The following PAM variants were observed in gnomAD, a reference collection of about 807,000 sequenced individuals.
PAM encodes the protein peptidyl-glycine alpha-amidating monooxygenase.
Under a neutral mutation model 122.1 loss-of-function variants are expected in PAM, and 72 were observed. The observed-to-expected ratio is 0.59, with a 90% CI of 0.49 to 0.72. The LOEUF (loss-of-function observed/expected upper bound fraction) is 0.72, where lower values mean the gene tolerates loss of function less well. Ranked by LOEUF, PAM falls within the 30% of genes least tolerant of loss-of-function variation. The pLI, the probability that PAM is intolerant of heterozygous loss-of-function variation, is 0.00. For synonymous variants in PAM, 389 were observed against 404.4 expected, an observed-to-expected ratio of 0.96 and a Z score of 0.46; for missense variants, 1,106 against 1,183.7, an observed-to-expected ratio of 0.93 and a Z score of 0.96.
Position 102,901,423 on chromosome 5 carries a change from A to AATTGG in PAM, c.268+16_268+20dup, listed in dbSNP as rs778947252. 5.3e-6 allele frequency: 8 copies of AATTGG among 1,501,594 alleles called. No homozygotes were observed. Among genetic ancestry groups the AATTGG allele is most frequent in the Non-Finnish European group, 7.4e-6 (8 of 1,079,384 alleles). The allele number at this position is 1,501,594 out of a possible 1,614,324, so 93.0% of individuals were successfully genotyped here. Reference sequence around the variant, plus strand: ...GAGGAAGCCTTCGTGAGTAAGTATTAATTGGATTGGGGGAGTAGCAGTTTA... The same window carrying AATTGG: ...GAGGAAGCCTTCGTGAGTAAGTATTAATTGGATTGGATTGGGGGAGTAGCAGTTTA... On this transcript the variant is annotated intron_variant, in intron 4 of 25. Coordinates refer to ENST00000438793, the MANE Select transcript of PAM (RefSeq NM_001177306.2).
chr5:103,020,904 C>T (rs1236864725), intron 23 of PAM, among the ~76,000 whole-genome samples: 1 of 152,088 alleles, frequency 6.6e-6, no homozygotes, highest in East Asian at 1.9e-4. Context: ...ATCCAAGTGA[C>T]ACTACTAAGT....
At chr5:102,803,130 AAAG>A (rs1248618496) in intron 1 of PAM, among the ~76,000 whole-genome samples, 4 of 136,620 alleles carry the variant, frequency 2.9e-5, no homozygotes, top group African/African-American at 9.0e-5. Flanking sequence ...GTCCAAAAAA[AAAG>A]AAAGAAAGAA....
intron 3 of PAM, among the ~76,000 whole-genome samples, chr5:102,888,192 C>T (rs1296511138): frequency 1.3e-5 from 2 of 151,988 alleles, no homozygotes; most frequent in East Asian, 3.9e-4. Context: ...GATAAACAGA[C>T]ATACGGGGCA....
intron 3 of PAM, among the ~76,000 whole-genome samples, chr5:102,888,954 G>A (rs895971447): frequency 1.2e-4 from 19 of 152,006 alleles, no homozygotes; most frequent in African/African-American, 4.1e-4. Flanking sequence ...GTAAAAGGGG[G>A]ACAGATTTAG....
chr5:102,922,868 T>C (rs148892108), intron 5 of PAM, among the ~76,000 whole-genome samples: 76 of 152,362 alleles, frequency 5.0e-4, no homozygotes, highest in African/African-American at 1.7e-3. Context: ...TTAACTATTA[T>C]AGCTGAGGCC....
At position 102,924,441 on chromosome 5, in the gene PAM, A is replaced by C. The variant is rs527329994; in HGVS notation, c.357-516A>C. ...AGAGTGAAACTCCGTCTCAAAAAAAAAAAAAAAAAACAAAAAAACTCTTAA... is the reference window on the plus strand; with the variant it reads ...AGAGTGAAACTCCGTCTCAAAAAAACAAAAAAAAAACAAAAAAACTCTTAA... On this transcript the variant is annotated intron_variant, in intron 5 of 25. Transcript: ENST00000438793. Among the ~76,000 whole-genome samples the C allele has an allele frequency of 1.1e-4, 16 of 151,952 alleles. No homozygotes were observed. In the South Asian group the frequency reaches 2.1e-3, roughly 20 times the overall value.
chr5:102,914,055 T>A, intron 5 of PAM, 34 bp downstream of exon 5: 2 of 1,166,774 alleles, frequency 1.7e-6, no homozygotes, highest in Non-Finnish European at 2.6e-6. Flanking sequence ...TAGAAGGGTG[T>A]AGAAAATGTG....
chr5:102,833,003 A>G (rs978044081), intron 1 of PAM, among the ~76,000 whole-genome samples: 1 of 152,184 alleles, frequency 6.6e-6, no homozygotes, highest in Non-Finnish European at 1.5e-5. Flanking sequence ...CATGAGCTGT[A>G]TTATTAGAAA....
At chr5:102,918,366 C>T (rs553252405) in intron 5 of PAM, among the ~76,000 whole-genome samples, 1 of 152,070 alleles carries the variant, frequency 6.6e-6, no homozygotes, top group Admixed American at 6.6e-5. Flanking sequence ...TTCTAAGTTC[C>T]CTAGATTTAT....
chr5:102,969,054 C>T (rs1320872684), intron 14 of PAM, among the ~76,000 whole-genome samples: 1 of 151,078 alleles, frequency 6.6e-6, no homozygotes, highest in Admixed American at 6.6e-5. Context: ...CACTTGGGAA[C>T]AGGGAGGGGA....
chr5:102,937,175 C>T (rs1384178899), intron 7 of PAM, among the ~76,000 whole-genome samples: 2 of 152,132 alleles, frequency 1.3e-5, no homozygotes, highest in Admixed American at 6.6e-5. Flanking sequence ...CAATGCATAT[C>T]TGACATTCTC....
intron 22 of PAM, 96 bp downstream of exon 22, chr5:103,017,529 C>T (rs1368388318): frequency 1.8e-5 from 14 of 785,626 alleles, no homozygotes; most frequent in Non-Finnish European, 3.1e-5. Flanking sequence ...TATCTTTTTA[C>T]TGATGAGAGT....
At chr5:102,886,479 C>G (rs1205842330) in intron 3 of PAM, among the ~76,000 whole-genome samples, 2 of 151,708 alleles carry the variant, frequency 1.3e-5, no homozygotes, top group Admixed American at 1.3e-4. Context: ...AACATTTTTC[C>G]TCTTAGGCTT....
At chr5:102,765,307 A>C (rs1753565937) in intron 1 of PAM, among the ~76,000 whole-genome samples, 1 of 152,252 alleles carries the variant, frequency 6.6e-6, no homozygotes, top group Admixed American at 6.5e-5. Flanking sequence ...CTTGTCAATA[A>C]GATGAAGATA....
At chr5:102,872,249 C>A (rs1041320025) in intron 3 of PAM, among the ~76,000 whole-genome samples, 1 of 152,072 alleles carries the variant, frequency 6.6e-6, no homozygotes, top group African/African-American at 2.4e-5. Flanking sequence ...TATCTATTGC[C>A]AGGAATCAGA....
intron 3 of PAM, among the ~76,000 whole-genome samples, chr5:102,882,130 C>A (rs1791482303): frequency 8.7e-6 from 1 of 114,958 alleles, no homozygotes; most frequent in East Asian, 2.9e-4. Context: ...TTTCTTTATC[C>A]ACTCATTGTT....
At chr5:103,005,675 G>A (rs1778741782) in intron 18 of PAM, among the ~76,000 whole-genome samples, 1 of 152,076 alleles carries the variant, frequency 6.6e-6, no homozygotes, top group Non-Finnish European at 1.5e-5. Context: ...ATCATATTGG[G>A]GGTTAGGATT....
At position 102,924,083 on chromosome 5, in the gene PAM, T is replaced by C. The variant is rs541825793; in HGVS notation, c.357-874T>C. 2.6e-5 allele frequency among the ~76,000 whole-genome samples: 4 copies of C among 152,270 alleles called. No individual in the cohort carries two copies. The South Asian group carries it at 6.2e-4, about 24-fold the overall frequency. ...AACTTGCATAATATGATACAACTTA[T>C]TAATGCATTCCAGTATTCATAAACT... On this transcript the variant is annotated intron_variant, in intron 5 of 25. Coordinates refer to ENST00000438793, the MANE Select transcript of PAM (RefSeq NM_001177306.2).
intron 13 of PAM, among the ~76,000 whole-genome samples, chr5:102,960,306 C>T (rs138804586): frequency 6.6e-6 from 1 of 152,054 alleles, no homozygotes; most frequent in African/African-American, 2.4e-5. Context: ...TGGGACCAAT[C>T]CCATAAATGT....
Sources: allele counts gnomAD v4.1 joint callset (sites outside exome capture counted in the v4.1 genomes callset), GRCh38; gene constraint gnomAD v4.1.1; transcripts MANE v1.5; gene names NCBI Gene and HGNC (gene_info 2026-07-23, HGNC 2026-07-21).